QTMAN: variants seen among roughly 807,000 people sequenced by gnomAD.
QTMAN encodes tRNA-queuosine alpha-mannosyltransferase.
chr2:143,973,744 G>A, the QTMAN span, among the ~76,000 whole-genome samples: 4 of 150,782 alleles, frequency 2.7e-5, no homozygotes, highest in Non-Finnish European at 5.9e-5. Flanking sequence ...AGTCGAGATC[G>A]CGCCACTGCA....
chr2:143,988,672 G>T, the QTMAN span, among the ~76,000 whole-genome samples: 2 of 152,212 alleles, frequency 1.3e-5, no homozygotes, highest in Non-Finnish European at 2.9e-5. Context: ...TACACTGATT[G>T]CTTAAGGTGT....
At chr2:144,044,314 A>G in the QTMAN span, among the ~76,000 whole-genome samples, 30 of 152,344 alleles carry the variant, frequency 2.0e-4, no homozygotes, top group African/African-American at 6.5e-4. Context: ...CTTTTGTAGG[A>G]CAATCTAATA....
At chr2:144,332,513 G>A in the QTMAN span, 2 of 147,566 alleles carry the variant, frequency 1.4e-5, no homozygotes, top group Admixed American at 6.7e-5. Context: ...CTGACGCCGT[G>A]CCCCTCCCCC....
the QTMAN span, among the ~76,000 whole-genome samples, chr2:144,046,007 A>G: frequency 1.3e-5 from 2 of 152,344 alleles, no homozygotes; most frequent in African/African-American, 4.8e-5. Flanking sequence ...TATTAGATTT[A>G]ACAACTTCAT....
the QTMAN span, among the ~76,000 whole-genome samples, chr2:144,213,935 A>G: frequency 4.6e-5 from 7 of 152,158 alleles, no homozygotes; most frequent in Non-Finnish European, 1.0e-4. Flanking sequence ...GGTTCTATAT[A>G]AAAAGCAACC....
the QTMAN span, among the ~76,000 whole-genome samples, chr2:144,267,612 C>T: frequency 8.0e-4 from 122 of 152,250 alleles, 1 homozygote; most frequent in East Asian, 0.014. Flanking sequence ...GAGAAAAGCA[C>T]ATTTAATAAT....
the QTMAN span, among the ~76,000 whole-genome samples, chr2:144,143,089 C>T: frequency 6.6e-6 from 1 of 151,806 alleles, no homozygotes; most frequent in South Asian, 2.1e-4. Context: ...GATGATTTTG[C>T]CCAACTGTAG....
chr2:144,264,987 G>A, the QTMAN span, among the ~76,000 whole-genome samples: 1 of 152,202 alleles, frequency 6.6e-6, no homozygotes, highest in East Asian at 1.9e-4. Flanking sequence ...GGCTTCCCAA[G>A]AATCCTGTCT....
chr2:143,947,484 G>A, the QTMAN span, among the ~76,000 whole-genome samples: 1 of 152,026 alleles, frequency 6.6e-6, no homozygotes, highest in Non-Finnish European at 1.5e-5. Flanking sequence ...CACAAGACAC[G>A]TAACACTGTA....
chr2:144,261,068 T>C, the QTMAN span, among the ~76,000 whole-genome samples: 1 of 152,212 alleles, frequency 6.6e-6, no homozygotes, highest in Admixed American at 6.5e-5. Context: ...TTATTCAATA[T>C]CTTCTACTTC....
At chr2:144,010,079 G>GAA in the QTMAN span, among the ~76,000 whole-genome samples, 3 of 130,454 alleles carry the variant, frequency 2.3e-5, no homozygotes, top group Admixed American at 1.5e-4. Context: ...AAAAAAAAAA[G>GAA]AAAAAAAAAA....
the QTMAN span, among the ~76,000 whole-genome samples, chr2:144,272,518 AC>A: frequency 6.6e-6 from 1 of 152,070 alleles, no homozygotes; most frequent in Non-Finnish European, 1.5e-5. Context: ...ACAGACCAGC[AC>A]CCTCACACTC....
the QTMAN span, among the ~76,000 whole-genome samples, chr2:144,118,113 T>A: frequency 6.6e-6 from 1 of 152,196 alleles, no homozygotes; most frequent in Non-Finnish European, 1.5e-5. Context: ...CCCAAAGTGC[T>A]GGGATTACAA....
the QTMAN span, among the ~76,000 whole-genome samples, chr2:143,962,406 T>G: frequency 3.9e-5 from 6 of 152,006 alleles, no homozygotes; most frequent in Non-Finnish European, 7.4e-5. Context: ...CTGGAATTCA[T>G]GAGGAACTAG....
At chr2:143,944,987 C>T in the QTMAN span, 1 of 151,448 alleles carries the variant, frequency 6.6e-6, no homozygotes, top group Admixed American at 6.6e-5. Context: ...GTATCTTAGC[C>T]ACTATGAAGC....
chr2:144,223,152 T>C, the QTMAN span, among the ~76,000 whole-genome samples: 1 of 152,108 alleles, frequency 6.6e-6, no homozygotes, highest in Non-Finnish European at 1.5e-5. Flanking sequence ...AACACAACCA[T>C]TTCATCACAT....
the QTMAN span, among the ~76,000 whole-genome samples, chr2:143,951,411 A>C: frequency 1.3e-5 from 2 of 151,602 alleles, no homozygotes; most frequent in Non-Finnish European, 3.0e-5. Context: ...TGCTGTTTAC[A>C]CTATTTTCCC....
At chr2:144,085,516 A>C in the QTMAN span, among the ~76,000 whole-genome samples, 1 of 152,240 alleles carries the variant, frequency 6.6e-6, no homozygotes, top group Non-Finnish European at 1.5e-5. Context: ...GAAAAGGAAG[A>C]AGCAGCACTT....
the QTMAN span, among the ~76,000 whole-genome samples, chr2:143,953,645 T>C: frequency 6.6e-6 from 1 of 151,908 alleles, no homozygotes; most frequent in African/African-American, 2.4e-5. Flanking sequence ...CCCTGCATAA[T>C]AGCTATTGAT....
Sources: gnomAD v4.1 joint callset for allele counts (sites outside exome capture counted in the v4.1 genomes callset) on GRCh38, gnomAD v4.1.1 for gene constraint, MANE v1.5 for transcripts, NCBI Gene and HGNC (gene_info 2026-07-23, HGNC 2026-07-21) for gene names.